The following USP13 variants were observed in gnomAD, a reference collection of about 807,000 sequenced individuals.
USP13 encodes ubiquitin carboxyl-terminal hydrolase 13.
A neutral mutation model predicts 107.8 loss-of-function variants in USP13; 68 were observed. The observed-to-expected ratio is 0.63, with a 90% confidence interval of 0.52 to 0.77. The LOEUF (loss-of-function observed/expected upper bound fraction) is 0.77. USP13 is among the 30% of genes least tolerant of loss of function. The pLI is 0.00. For synonymous variants in USP13, 377 were observed against 389.5 expected (o/e 0.97, Z 0.38); for missense variants, 945 against 1,093.3 (o/e 0.86, Z 1.91).
intron 6 of USP13, among the ~76,000 whole-genome samples, chr3:179,711,919 T>C (rs937369694): frequency 3.3e-5 from 5 of 152,236 alleles, no homozygotes; most frequent in African/African-American, 2.4e-5. Context: ...GCTATACTTA[T>C]ATGTGACTGG....
chr3:179,656,754 C>T (rs1049353802), intron 1 of USP13, among the ~76,000 whole-genome samples: 13 of 152,176 alleles, frequency 8.5e-5, no homozygotes, highest in Non-Finnish European at 1.9e-4. Context: ...CATAAGCATT[C>T]CTGTCTAACC....
rs1345613311 is a variant in USP13, at chr3:179,773,518, T to C, written c.2413+7670T>C. On this transcript the variant is annotated intron_variant, in intron 19 of 20. Transcript: ENST00000263966. ...AATTAAATTCATTTAAAGACACTTC[T>C]GAATCCAGAGTTGCTTTTGGTCATT... 2.0e-5 allele frequency among the ~76,000 whole-genome samples: 3 copies of C among 152,248 alleles called. No individual in the cohort carries two copies. The East Asian group carries it at 5.8e-4, about 29-fold the overall frequency.
intron 10 of USP13, among the ~76,000 whole-genome samples, chr3:179,731,627 A>G (rs1228934303): frequency 6.6e-6 from 1 of 152,140 alleles, no homozygotes; most frequent in East Asian, 1.9e-4. Flanking sequence ...CTGCATTTCC[A>G]CTGGACCCTC....
chr3:179,723,562 G>A (rs1365189881), intron 8 of USP13, among the ~76,000 whole-genome samples: 2 of 152,236 alleles, frequency 1.3e-5, no homozygotes, highest in East Asian at 1.9e-4. Context: ...TGTGCAGGAG[G>A]AGTGAAGACA....
At chr3:179,715,278 A>G (rs1713071525) in intron 6 of USP13, among the ~76,000 whole-genome samples, 1 of 151,646 alleles carries the variant, frequency 6.6e-6, no homozygotes, top group Non-Finnish European at 1.5e-5. Flanking sequence ...CTCCTGCCTC[A>G]GCCTCTAAAA....
chr3:179,714,538 G>C (rs1329435762), intron 6 of USP13, among the ~76,000 whole-genome samples: 1 of 152,182 alleles, frequency 6.6e-6, no homozygotes, highest in African/African-American at 2.4e-5. Context: ...CTTGGGCACT[G>C]TTATATCTCT....
Position 179,653,555 on chromosome 3 carries a change from A to G in USP13, c.168+162A>G, listed in dbSNP as rs1720155378. On this transcript the variant is annotated intron_variant, in intron 1 of 20. Transcript: ENST00000263966. The surrounding 1 kb of genome is among the most constrained non-coding windows in gnomAD (Gnocchi z 4.0). ...TCGGCAGACACTTAGTGAGCGCCCC[A>G]GGGCTGCTGCAGCCGAGGACTGGCT... 3 of 1,003,992 alleles carry G rather than the reference A, an allele frequency of 3.0e-6. No individual in the cohort carries two copies. The highest frequency in any genetic ancestry group is 2.9e-5 in the East Asian group (1 of 34,800). 62.2% of individuals were successfully genotyped at this position (1,003,992 alleles called of 1,614,324 possible).
Position 179,721,530 on chromosome 3 carries a change from C to G in USP13, c.1029C>G (p.Asn343Lys), listed in dbSNP as rs564549721. The G allele has an allele frequency of 1.2e-6, 2 of 1,614,118 alleles. No individual in the cohort carries two copies. Among genetic ancestry groups the G allele is most frequent in the Non-Finnish European group, 1.7e-6 (2 of 1,180,044 alleles). The change falls in exon 8 of 21, where the codon AAC (asparagine) becomes AAG (lysine). Residue 343 changes from asparagine to lysine, a missense_variant. By Grantham distance (94) the Asn-to-Lys change is moderately conservative. Transcript: ENST00000263966. This position sits in a 1 kb window ranked among gnomAD's most constrained non-coding sequence, Gnocchi z 4.3. ...ACACGGGTCTGAAGAACCTGGGCAA[C>G]AGCTGCTATCTCAGCTCTGTCATGC... ...PGYTGLKNLG[N>K]SCYLSSVMQA...
intron 1 of USP13, among the ~76,000 whole-genome samples, chr3:179,681,094 G>C (rs1239002814): frequency 1.3e-5 from 2 of 152,186 alleles, no homozygotes; most frequent in Admixed American, 1.3e-4. Context: ...GAACCTCACT[G>C]TGAACGTAGC....
intron 17 of USP13, among the ~76,000 whole-genome samples, chr3:179,762,230 C>A (rs1208890264): frequency 6.6e-6 from 1 of 152,204 alleles, no homozygotes; most frequent in Non-Finnish European, 1.5e-5. Context: ...ATAGTGCTTT[C>A]AAGATTCATC....
intron 14 of USP13, among the ~76,000 whole-genome samples, chr3:179,754,461 CA>C (rs1714717303): frequency 6.6e-6 from 1 of 152,182 alleles, no homozygotes; most frequent in African/African-American, 2.4e-5. Flanking sequence ...GTCTGGGCCA[CA>C]CATGGTCTAT....
At chr3:179,729,080 T>A (rs1713696224) in intron 8 of USP13, among the ~76,000 whole-genome samples, 1 of 152,024 alleles carries the variant, frequency 6.6e-6, no homozygotes. Context: ...TTCAAGGGGG[T>A]CCATGGCCAT....
At chr3:179,685,631 T>TA (rs562421751) in intron 2 of USP13, among the ~76,000 whole-genome samples, 431 of 103,496 alleles carry the variant, frequency 4.2e-3, no homozygotes, top group Middle Eastern at 0.01. Flanking sequence ...TTTAGAAAAC[T>TA]AAAAAAAAAA....
intron 1 of USP13, among the ~76,000 whole-genome samples, chr3:179,657,600 A>AAAAAAATAC (rs1720306934): frequency 6.6e-6 from 1 of 150,808 alleles, no homozygotes; most frequent in South Asian, 2.1e-4. Context: ...GTCTCTACTA[A>AAAAAAATAC]AAAAAATACA....
At chr3:179,699,659 C>A in intron 3 of USP13, among the ~76,000 whole-genome samples, 1 of 133,736 alleles carries the variant, frequency 7.5e-6, no homozygotes, top group African/African-American at 2.9e-5. Context: ...ATGATCACAC[C>A]AGTGGACTCA....
chr3:179,754,948 A>T (rs1363827422), intron 15 of USP13, 94 bp downstream of exon 15: 5 of 1,457,920 alleles, frequency 3.4e-6, no homozygotes, highest in Non-Finnish European at 3.7e-6. Context: ...TGCTACCACC[A>T]CCACCCATTG....
intron 17 of USP13, among the ~76,000 whole-genome samples, chr3:179,761,567 C>T (rs905954134): frequency 8.5e-5 from 13 of 152,070 alleles, no homozygotes; most frequent in Admixed American, 6.6e-5. Flanking sequence ...ACTAAAGATA[C>T]AAAAATTAGC....
intron 3 of USP13, among the ~76,000 whole-genome samples, chr3:179,693,064 T>C (rs1353229131): frequency 6.6e-6 from 1 of 152,212 alleles, no homozygotes; most frequent in Non-Finnish European, 1.5e-5. Flanking sequence ...TAAAAATGAA[T>C]GCCATTAGCC....
rs750985207 is a variant in USP13, at chr3:179,730,728, G to A, written c.1254+19G>A. 2.5e-6 allele frequency: 4 copies of A among 1,609,498 alleles called. No individual in the cohort carries two copies. The South Asian group carries it at 3.3e-5, about 13-fold the overall frequency. The stretch of plus-strand genomic sequence containing the variant: ...GCACAAGGTATGTGTCCGAGCGTTT[G>A]CCATGTTGACATGTAGGTAGGGAGG... On this transcript the variant is annotated intron_variant, in intron 10 of 20. Coordinates refer to ENST00000263966, the MANE Select transcript of USP13 (RefSeq NM_003940.3).
Sources: gnomAD v4.1 joint callset for allele counts (sites outside exome capture counted in the v4.1 genomes callset) on GRCh38, gnomAD v4.1.1 for gene constraint, Gnocchi (gnomAD v3.1) non-coding constraint, MANE v1.5 for transcripts, NCBI Gene and HGNC (gene_info 2026-07-23, HGNC 2026-07-21) for gene names.